Variants in KALRN observed in about 807,000 individuals in gnomAD.
The protein encoded by KALRN is kalirin.
Under a neutral mutation model 353.7 loss-of-function variants are expected in KALRN, and 70 were observed. The ratio of observed to expected loss-of-function variants is 0.20; its 90% CI spans 0.16 to 0.24. The LOEUF (loss-of-function observed/expected upper bound fraction) is 0.24. Ranked by LOEUF, KALRN falls within the 10% of genes least tolerant of loss-of-function variation. The pLI, the probability that KALRN is intolerant of heterozygous loss-of-function variation, is 1.00. For synonymous variants in KALRN, 1,391 were observed against 1,434.8 expected, an observed-to-expected ratio of 0.97 and a Z score of 0.69; for missense variants, 2,791 against 3,756.7, an observed-to-expected ratio of 0.74 and a Z score of 6.72.
At chr3:124,623,550 T>C (rs1205391822) in intron 34 of KALRN, among the ~76,000 whole-genome samples, 1 of 152,032 alleles carries the variant, frequency 6.6e-6, no homozygotes, top group Non-Finnish European at 1.5e-5. Context: ...TATTTGAGGA[T>C]AGGAAGCATC....
At chr3:124,434,566 CA>C in intron 17 of KALRN, 41 bp downstream of exon 17, 1 of 1,592,794 alleles carries the variant, frequency 6.3e-7, no homozygotes, top group East Asian at 2.2e-5. Context: ...CTGAGATTGC[CA>C]GGGGGCCATT....
At chr3:124,184,084 G>A (rs1330596816) in intron 1 of KALRN, among the ~76,000 whole-genome samples, 1 of 152,174 alleles carries the variant, frequency 6.6e-6, no homozygotes, top group Non-Finnish European at 1.5e-5. Context: ...TCTCAGAAAA[G>A]GAAGAAGGTT....
chr3:124,696,062 C>T (rs920528141), intron 53 of KALRN, 72 bp from the exon 54 acceptor site: 80 of 1,554,838 alleles, frequency 5.1e-5, no homozygotes, highest in Non-Finnish European at 6.7e-5. Context: ...ATGGGCCAAC[C>T]CTATGGGATT....
At chr3:124,058,364 A>G (rs772474656) in intron 1 of KALRN, among the ~76,000 whole-genome samples, 21 of 152,180 alleles carry the variant, frequency 1.4e-4, no homozygotes, top group Non-Finnish European at 2.1e-4. Flanking sequence ...CTGATGCCCT[A>G]TCTTTGTGTT....
At chr3:124,569,419 G>A (rs951054462) in intron 34 of KALRN, among the ~76,000 whole-genome samples, 1 of 152,206 alleles carries the variant, frequency 6.6e-6, no homozygotes, top group African/African-American at 2.4e-5. Context: ...ATGTCGACTT[G>A]TGTTAAGTGT....
At chr3:124,474,125 C>T (rs1051826577) in intron 25 of KALRN, among the ~76,000 whole-genome samples, 1 of 151,820 alleles carries the variant, frequency 6.6e-6, no homozygotes, top group Non-Finnish European at 1.5e-5. Flanking sequence ...GAATTTTTAC[C>T]CATTAAGTTT....
At chr3:124,154,914 T>C (rs1465255396) in intron 1 of KALRN, among the ~76,000 whole-genome samples, 2 of 152,084 alleles carry the variant, frequency 1.3e-5, no homozygotes, top group Non-Finnish European at 2.9e-5. Context: ...AAAACAGAGA[T>C]ATAGATCAAT....
intron 5 of KALRN, among the ~76,000 whole-genome samples, chr3:124,281,765 A>G (rs899057700): frequency 6.6e-6 from 1 of 152,060 alleles, no homozygotes; most frequent in African/African-American, 2.4e-5. Flanking sequence ...TTATATTGAA[A>G]ATTTCTGGAG....
chr3:124,686,798 A>ATTTTTTTTTTTTTTTTTTTTTTTTTT (rs10599336), intron 51 of KALRN, among the ~76,000 whole-genome samples: 2 of 70,798 alleles, frequency 2.8e-5, no homozygotes, highest in African/African-American at 5.0e-5. Context: ...CACTGGTGAG[A>ATTTTTTTTTTTTTTTTTTTTTTTTTT]TTTTTTTTTT....
chr3:124,234,645 T>G (rs2079541471), intron 2 of KALRN, among the ~76,000 whole-genome samples, 184 bp from the exon 3 acceptor site: 1 of 152,162 alleles, frequency 6.6e-6, no homozygotes, highest in Admixed American at 6.5e-5. Context: ...GCCAAAAGAC[T>G]TGCCCACGGT....
intron 1 of KALRN, among the ~76,000 whole-genome samples, chr3:124,102,243 A>G (rs1255017362): frequency 6.6e-6 from 1 of 152,152 alleles, no homozygotes; most frequent in African/African-American, 2.4e-5. Context: ...TTGTCTAATA[A>G]AGAGTTTGAA....
chr3:124,677,221 G>C (rs145718756), intron 49 of KALRN: 8 of 161,756 alleles, frequency 4.9e-5, no homozygotes, highest in African/African-American at 1.9e-4. Context: ...ACTTATTCCA[G>C]ACAACAATTA....
chr3:124,155,773 A>ATTTC (rs1358952401), intron 1 of KALRN, among the ~76,000 whole-genome samples: 4 of 152,232 alleles, frequency 2.6e-5, no homozygotes, highest in Non-Finnish European at 5.9e-5. Context: ...AATAAGGGAA[A>ATTTC]GGCTTTTCTG....
At chr3:124,314,265 C>T (rs2078582448) in intron 6 of KALRN, among the ~76,000 whole-genome samples, 1 of 148,806 alleles carries the variant, frequency 6.7e-6, no homozygotes, top group South Asian at 2.1e-4. Context: ...AAACCAAACA[C>T]CGCATGTTCT....
chr3:124,318,934 T>TA (rs1415895692), intron 6 of KALRN, among the ~76,000 whole-genome samples: 1 of 152,168 alleles, frequency 6.6e-6, no homozygotes, highest in Non-Finnish European at 1.5e-5. Flanking sequence ...TTCCTAACTG[T>TA]AAAATGAGAT....
intron 34 of KALRN, among the ~76,000 whole-genome samples, chr3:124,609,961 A>G (rs889903020): frequency 4.6e-5 from 7 of 152,220 alleles, no homozygotes; most frequent in African/African-American, 1.7e-4. Context: ...GCACACAGAA[A>G]CAGGCATCTT....
intron 1 of KALRN, among the ~76,000 whole-genome samples, chr3:124,182,431 T>G (rs2073727771): frequency 6.6e-6 from 1 of 152,192 alleles, no homozygotes; most frequent in South Asian, 2.1e-4. Context: ...GGGTCTCAGT[T>G]TCTTGTTGCA....
chr3:124,666,459 C>G lies in KALRN; in HGVS notation c.6356C>G (p.Thr2119Ser). ...CCGTCTTTCCTTCAGGGCACTCTGA[C>G]TGCTCAGGGGAAGCTGCTGCAGCAG... The part of the protein sequence containing the change: ...GRLQGFEGTL[T>S]AQGKLLQQDT... The change falls in exon 46 of 60, where the codon ACT becomes AGT. Residue 2119 changes from threonine (T) to serine (S), a missense_variant. Physicochemically the swap from Thr to Ser is moderately conservative, Grantham distance 58 (BLOSUM62 1). Around this residue, in one of 11 missense-constraint regions of KALRN, gnomAD observed 1,065 missense variants for 1,156.4 expected, o/e 0.92. Coordinates refer to ENST00000682506, the MANE Select transcript of KALRN (RefSeq NM_001388419.1). 6.2e-7 allele frequency: 1 copy of G among 1,613,956 alleles called. No individual in the cohort carries two copies. The highest frequency in any genetic ancestry group is 8.5e-7 in the Non-Finnish European group (1 of 1,179,836).
intron 1 of KALRN, among the ~76,000 whole-genome samples, chr3:124,221,878 A>G (rs1295953389): frequency 6.6e-6 from 1 of 152,192 alleles, no homozygotes; most frequent in East Asian, 1.9e-4. Flanking sequence ...CTCAGCAGAA[A>G]TTGGGTTTCC....
Sources: allele counts gnomAD v4.1 joint callset (sites outside exome capture counted in the v4.1 genomes callset), GRCh38; gene constraint gnomAD v4.1.1; regional missense constraint gnomAD v4.1.1; transcripts MANE v1.5; gene names NCBI Gene and HGNC (gene_info 2026-07-23, HGNC 2026-07-21).